Variants in SP4 observed in about 807,000 individuals in gnomAD.
SP4 encodes the protein Sp4 transcription factor.
A neutral mutation model predicts 72.8 loss-of-function variants in SP4; 19 were observed. The observed-to-expected ratio is 0.26, with a 90% CI of 0.18 to 0.38. SP4 has a LOEUF of 0.38. SP4 is among the 10% of genes least tolerant of loss of function. The pLI is 1.00. For missense variants in SP4, 1,008 were observed against 926.3 expected, an observed-to-expected ratio of 1.09 and a Z score of -1.14; for synonymous variants, 395 against 333.1, an observed-to-expected ratio of 1.19 and a Z score of -2.02.
intron 5 of SP4, among the ~76,000 whole-genome samples, chr7:21,490,592 A>G (rs1340267338): frequency 2.0e-5 from 3 of 152,216 alleles, no homozygotes; most frequent in Non-Finnish European, 4.4e-5. Flanking sequence ...CGGAGGAACT[A>G]GAAGGTGAGA....
intron 3 of SP4, among the ~76,000 whole-genome samples, chr7:21,446,047 G>C (rs1210550964): frequency 1.0e-5 from 1 of 97,016 alleles, no homozygotes; most frequent in East Asian, 2.2e-4. Context: ...TATGTAGGTA[G>C]ATATATATGT....
At chr7:21,464,564 T>C (rs889149063) in intron 3 of SP4, among the ~76,000 whole-genome samples, 1 of 148,508 alleles carries the variant, frequency 6.7e-6, no homozygotes, top group African/African-American at 2.5e-5. Context: ...CAATCTTTGT[T>C]TAAAAATCTA....
chr7:21,432,650 TG>T (rs889320310), intron 3 of SP4, among the ~76,000 whole-genome samples: 8 of 152,168 alleles, frequency 5.3e-5, no homozygotes, highest in Admixed American at 6.5e-5. Flanking sequence ...TTTTGAATTG[TG>T]GGGGTCAAGG....
rs536644889 is a variant in SP4 at position 21,431,790 on chromosome 7, A to T, written c.1678+947A>T. ...ACCTCGTTGTGTTTTAGTGCCTTTG[A>T]TACTTCCAGACCTTGTTAGTTAAAT... On this transcript the variant is annotated intron_variant, in intron 3 of 5. Coordinates refer to ENST00000222584, the MANE Select transcript of SP4 (RefSeq NM_003112.5). Among the ~76,000 whole-genome samples, 5 of 152,330 alleles carry T rather than the reference A, an allele frequency of 3.3e-5. No individual in the cohort carries two copies. The East Asian group carries it at 9.6e-4, about 29-fold the overall frequency.
intron 3 of SP4, among the ~76,000 whole-genome samples, chr7:21,459,921 A>G (rs1298356783): frequency 6.6e-6 from 1 of 152,230 alleles, no homozygotes; most frequent in Non-Finnish European, 1.5e-5. Flanking sequence ...GAGACAGAAT[A>G]TTCATTAAAA....
At chr7:21,510,993 A>G in intron 5 of SP4, 29 bp from the exon 6 acceptor site, 1 of 1,576,762 alleles carries the variant, frequency 6.3e-7, no homozygotes, top group Non-Finnish European at 8.6e-7. Flanking sequence ...CAAAATGTGT[A>G]TAACGCCATT....
rs1225389898 is a variant in SP4, at chr7:21,462,576, G to GGAGAA, written c.1679-14499_1679-14498insAGAGA. ...TGTTGAAAGTGTCTAGTTTGTATCT[G>GGAGAA]GAGATTGGTCCTGAGAAGAGATCAG... On this transcript the variant is annotated intron_variant, in intron 3 of 5. Coordinates refer to ENST00000222584, the MANE Select transcript of SP4 (RefSeq NM_003112.5). 1.3e-3 allele frequency among the ~76,000 whole-genome samples: 193 copies of GGAGAA among 152,310 alleles called. 1 individual carries two copies. Among genetic ancestry groups the GGAGAA allele is most frequent in the Non-Finnish European group, 1.7e-3 (114 of 68,014 alleles).
chr7:21,470,237 C>T (rs745858558), intron 3 of SP4, among the ~76,000 whole-genome samples: 1 of 152,192 alleles, frequency 6.6e-6, no homozygotes, highest in Non-Finnish European at 1.5e-5. Flanking sequence ...TAAGTACTTT[C>T]AGTGTGTCAG....
chr7:21,496,720 A>G (rs1016355361), intron 5 of SP4, among the ~76,000 whole-genome samples: 1 of 151,828 alleles, frequency 6.6e-6, no homozygotes, highest in Non-Finnish European at 1.5e-5. Flanking sequence ...CCTATTTTTC[A>G]AATATTCTTT....
chr7:21,502,427 T>C (rs1415005018), intron 5 of SP4, among the ~76,000 whole-genome samples: 2 of 152,032 alleles, frequency 1.3e-5, no homozygotes, highest in East Asian at 3.9e-4. Context: ...TTCTGACCTC[T>C]CTCCACAATG....
chr7:21,502,401 T>C (rs542580099), intron 5 of SP4, among the ~76,000 whole-genome samples: 51 of 152,214 alleles, frequency 3.4e-4, no homozygotes, highest in African/African-American at 1.1e-3. Context: ...TCATATTCCC[T>C]GTAGAGAATG....
rs555914255 is a variant in SP4, at chr7:21,432,016, G to C, written c.1678+1173G>C. On this transcript the variant is annotated intron_variant, in intron 3 of 5. Transcript: ENST00000222584. The stretch of plus-strand genomic sequence containing the variant: ...GATTATATTTTTTATCTAGATACCA[G>C]TGCTTCTAGGCCAGCGCTATCCAGC... Among the ~76,000 whole-genome samples the C allele has an allele frequency of 4.1e-4, 62 of 152,316 alleles. 1 individual carries two copies. In the South Asian group the frequency reaches 0.013, roughly 32 times the overall value.
At chr7:21,458,334 A>G (rs1043753578) in intron 3 of SP4, among the ~76,000 whole-genome samples, 2 of 152,110 alleles carry the variant, frequency 1.3e-5, no homozygotes, top group African/African-American at 4.8e-5. Flanking sequence ...CTGGGATTAC[A>G]GGCAACTGCC....
chr7:21,484,416 T>A (rs192909857), intron 5 of SP4, among the ~76,000 whole-genome samples: 67 of 152,026 alleles, frequency 4.4e-4, no homozygotes, highest in Admixed American at 3.3e-3. Flanking sequence ...TCAAAAAGTT[T>A]CAGATTTTGG....
At chr7:21,440,504 G>A (rs1165907456) in intron 3 of SP4, among the ~76,000 whole-genome samples, 1 of 152,132 alleles carries the variant, frequency 6.6e-6, no homozygotes, top group Non-Finnish European at 1.5e-5. Context: ...TTGGTAAAGT[G>A]CAAGCAAGGG....
chr7:21,457,002 C>A (rs542938882), intron 3 of SP4, among the ~76,000 whole-genome samples: 7 of 144,778 alleles, frequency 4.8e-5, no homozygotes, highest in African/African-American at 1.8e-4. Flanking sequence ...AAACTTCCTA[C>A]AGGGGTTGAA....
intron 5 of SP4, among the ~76,000 whole-genome samples, chr7:21,487,603 T>C (rs908392273): frequency 5.3e-5 from 8 of 152,184 alleles, no homozygotes; most frequent in African/African-American, 1.7e-4. Context: ...ATTGTATGGA[T>C]GCAGGTGCTT....
At chr7:21,441,670 AT>A (rs1783249537) in intron 3 of SP4, among the ~76,000 whole-genome samples, 1 of 152,202 alleles carries the variant, frequency 6.6e-6, no homozygotes, top group South Asian at 2.1e-4. Flanking sequence ...TGTTGCAGTA[AT>A]TTAGTTATGA....
chr7:21,470,577 AGTC>A (rs1401376150), intron 3 of SP4, among the ~76,000 whole-genome samples: 1 of 152,162 alleles, frequency 6.6e-6, no homozygotes, highest in Non-Finnish European at 1.5e-5. Flanking sequence ...CTTAAATTCA[AGTC>A]GTCTCAAATT....
Sources: allele counts gnomAD v4.1 joint callset (sites outside exome capture counted in the v4.1 genomes callset), GRCh38; gene constraint gnomAD v4.1.1; transcripts MANE v1.5; gene names NCBI Gene and HGNC (gene_info 2026-07-23, HGNC 2026-07-21).